EDIL3: variants seen among roughly 807,000 people sequenced by gnomAD.
EDIL3 encodes EGF like and discoidin domains 3, also known as EGF-like repeat and discoidin I-like domain-containing protein 3.
A neutral mutation model predicts 67.4 loss-of-function variants in EDIL3; 37 were observed. The observed-to-expected ratio is 0.55, with a 90% CI of 0.42 to 0.72. The LOEUF (loss-of-function observed/expected upper bound fraction) is 0.72. EDIL3 is among the 30% of genes least tolerant of loss of function. The pLI, the probability that EDIL3 is intolerant of heterozygous loss-of-function variation, is 0.00. For missense variants in EDIL3, 527 were observed against 586.3 expected, an observed-to-expected ratio of 0.90 and a Z score of 1.04; for synonymous variants, 195 against 196.3, an observed-to-expected ratio of 0.99 and a Z score of 0.05.
intron 3 of EDIL3, among the ~76,000 whole-genome samples, chr5:84,222,090 T>A (rs1744354316): frequency 6.6e-6 from 1 of 151,916 alleles, no homozygotes; most frequent in South Asian, 2.1e-4. Context: ...CTAAAAGATA[T>A]CTGTAGCATG....
chr5:84,148,725 G>A (rs1028635385), intron 4 of EDIL3, among the ~76,000 whole-genome samples: 1 of 152,066 alleles, frequency 6.6e-6, no homozygotes, highest in Non-Finnish European at 1.5e-5. Context: ...TTACACTCAA[G>A]GCCACCATGG....
At chr5:84,091,721 G>T (rs1747169295) in intron 6 of EDIL3, among the ~76,000 whole-genome samples, 1 of 152,156 alleles carries the variant, frequency 6.6e-6, no homozygotes, top group Non-Finnish European at 1.5e-5. Context: ...TAGCTCAGAT[G>T]CTCACTTACT....
At chr5:84,277,902 G>A (rs572739245) in intron 1 of EDIL3, among the ~76,000 whole-genome samples, 4 of 152,012 alleles carry the variant, frequency 2.6e-5, no homozygotes, top group Non-Finnish European at 4.4e-5. Flanking sequence ...TCCTTTTACC[G>A]TAGTATACCC....
intron 10 of EDIL3, among the ~76,000 whole-genome samples, chr5:83,959,173 A>G (rs1161733322): frequency 6.7e-6 from 1 of 149,102 alleles, no homozygotes; most frequent in Non-Finnish European, 1.5e-5. Flanking sequence ...ATATATTTAA[A>G]TACTCCTGTG....
intron 5 of EDIL3, among the ~76,000 whole-genome samples, chr5:84,125,368 A>AGTTTTTAGACGATAAGTCATTTCTATT (rs1430022838): frequency 6.6e-6 from 1 of 151,982 alleles, no homozygotes; most frequent in African/African-American, 2.4e-5. Flanking sequence ...AAAATGTCTA[A>AGTTTTTAGACGATAAGTCATTTCTATT]GTTTTTAGAC....
intron 9 of EDIL3, among the ~76,000 whole-genome samples, chr5:83,978,181 T>C (rs1299611528): frequency 6.6e-6 from 1 of 151,958 alleles, no homozygotes; most frequent in Non-Finnish European, 1.5e-5. Flanking sequence ...AGATTGTTAT[T>C]GGAAATCTGT....
intron 6 of EDIL3, among the ~76,000 whole-genome samples, chr5:84,080,669 A>G (rs1421729625): frequency 2.0e-5 from 3 of 152,218 alleles, no homozygotes; most frequent in Admixed American, 2.0e-4. Flanking sequence ...AAAAACCTCA[A>G]AAAGGCATAG....
intron 9 of EDIL3, among the ~76,000 whole-genome samples, chr5:83,985,872 G>C (rs1238059272): frequency 2.0e-5 from 3 of 151,756 alleles, no homozygotes; most frequent in African/African-American, 7.3e-5. Context: ...GTGTGAATAG[G>C]TTTGTATTGT....
intron 9 of EDIL3, among the ~76,000 whole-genome samples, chr5:84,006,503 T>C (rs1205816678): frequency 6.6e-6 from 1 of 152,122 alleles, no homozygotes; most frequent in African/African-American, 2.4e-5. Flanking sequence ...TTCCCACTTG[T>C]AAGTGCAAGC....
chr5:84,234,205 AT>A (rs1349724685), intron 2 of EDIL3, among the ~76,000 whole-genome samples: 1 of 152,084 alleles, frequency 6.6e-6, no homozygotes, highest in Admixed American at 6.6e-5. Flanking sequence ...TCAGTGCTTT[AT>A]TTTTCCAGGG....
chr5:83,953,651 T>A (rs748022886), intron 10 of EDIL3, among the ~76,000 whole-genome samples: 2 of 151,820 alleles, frequency 1.3e-5, no homozygotes, highest in African/African-American at 2.4e-5. Flanking sequence ...TGTGTTCAGT[T>A]TTCTGAGTTT....
intron 1 of EDIL3, among the ~76,000 whole-genome samples, chr5:84,372,957 C>T (rs1331650135): frequency 2.0e-5 from 3 of 152,054 alleles, no homozygotes; most frequent in Non-Finnish European, 2.9e-5. Flanking sequence ...TAGAGTAAAT[C>T]GGCTCTCCTC....
At chr5:84,383,553 G>A (rs1748135860) in intron 1 of EDIL3, among the ~76,000 whole-genome samples, 1 of 152,166 alleles carries the variant, frequency 6.6e-6, no homozygotes, top group South Asian at 2.1e-4. Flanking sequence ...TTCCGCTCCT[G>A]TGCGGGGACG....
chr5:84,069,939 T>G (rs1323734548), intron 6 of EDIL3, among the ~76,000 whole-genome samples: 3 of 151,302 alleles, frequency 2.0e-5, no homozygotes, highest in African/African-American at 7.3e-5. Flanking sequence ...TGGCTGGATG[T>G]GGAGAGGAGC....
intron 9 of EDIL3, among the ~76,000 whole-genome samples, chr5:84,020,013 AT>A (rs1745682338): frequency 6.9e-6 from 1 of 144,626 alleles, no homozygotes; most frequent in Non-Finnish European, 1.5e-5. Context: ...GTTGCAATTA[AT>A]GGTCCTTTCC....
intron 1 of EDIL3, among the ~76,000 whole-genome samples, chr5:84,271,367 T>C (rs1361293690): frequency 1.3e-5 from 2 of 151,290 alleles, no homozygotes. Flanking sequence ...TGAGCCGAGA[T>C]TGCGCCACTG....
At chr5:84,220,475 G>T (rs1020374640) in intron 3 of EDIL3, among the ~76,000 whole-genome samples, 13 of 152,012 alleles carry the variant, frequency 8.6e-5, no homozygotes, top group Non-Finnish European at 1.3e-4. Context: ...CATTTTCAGG[G>T]TCTCATAGAA....
intron 1 of EDIL3, among the ~76,000 whole-genome samples, chr5:84,289,838 GT>G (rs1347701622): frequency 6.6e-6 from 1 of 152,062 alleles, no homozygotes; most frequent in Non-Finnish European, 1.5e-5. Context: ...CAACTTTTAA[GT>G]TAAGAAATTG....
At chr5:83,949,454 C>G (rs574149040) in intron 10 of EDIL3, among the ~76,000 whole-genome samples, 57 of 151,894 alleles carry the variant, frequency 3.8e-4, no homozygotes, top group Middle Eastern at 3.4e-3. Flanking sequence ...AGATCAAATG[C>G]GAAGAGGACT....
Sources: allele counts gnomAD v4.1 joint callset (sites outside exome capture counted in the v4.1 genomes callset), GRCh38; gene constraint gnomAD v4.1.1; transcripts MANE v1.5; gene names NCBI Gene and HGNC (gene_info 2026-07-23, HGNC 2026-07-21).